IPO11: variants seen among roughly 807,000 people sequenced by gnomAD.
IPO11 encodes the protein importin 11.
IPO11 carries 66 observed loss-of-function variants against 143.2 expected under a neutral mutation model. The observed-to-expected ratio is 0.46, with a 90% CI of 0.38 to 0.57. The LOEUF (loss-of-function observed/expected upper bound fraction) is 0.57, where lower values mean the gene tolerates loss of function less well. Among genes scored for constraint, IPO11 ranks in the 20% least tolerant of loss-of-function variants. The pLI, the probability that IPO11 is intolerant of heterozygous loss-of-function variation, is 0.00. For missense variants in IPO11, 1,026 were observed against 1,141.0 expected (o/e 0.90, Z 1.45); for synonymous variants, 385 against 377.8 (o/e 1.02, Z -0.22).
intron 2 of IPO11, among the ~76,000 whole-genome samples, chr5:62,439,597 T>A (rs1040048655): frequency 4.0e-5 from 6 of 151,738 alleles, no homozygotes; most frequent in Admixed American, 1.3e-4. Flanking sequence ...CAGTCTTTTT[T>A]TTTTTTTTAA....
At chr5:62,515,635 A>G (rs1310843972) in intron 20 of IPO11, 134 bp downstream of exon 20, 2 of 580,300 alleles carry the variant, frequency 3.4e-6, no homozygotes, top group Non-Finnish European at 5.8e-6. Flanking sequence ...TTTTTTTTCC[A>G]TGTGTGATCT....
Position 62,451,811 on chromosome 5 carries a change from C to A in IPO11, c.394C>A (p.Leu132Ile), listed in dbSNP as rs1195430963. ...PRQWPELIPTLIESVKVQDDL... is the reference protein window; with the variant it reads ...PRQWPELIPTIIESVKVQDDL... The stretch of plus-strand genomic sequence containing the variant: ...ACAGTGGCCTGAACTAATTCCCACT[C>A]TTATAGAGTCTGTTAAAGTCCAGGA... Residue 132 changes from leucine to isoleucine, a missense_variant, in exon 5 of 30, where the codon CTT becomes ATT. Around this residue, in one of 5 missense-constraint regions of IPO11, gnomAD observed 429 missense variants for 456.3 expected, o/e 0.94. Transcript: ENST00000325324. 9.9e-6 allele frequency: 16 copies of A among 1,613,940 alleles called. No homozygotes were observed. Among genetic ancestry groups the A allele is most frequent in the African/African-American group, 1.3e-5 (1 of 74,926 alleles).
intron 21 of IPO11, among the ~76,000 whole-genome samples, chr5:62,526,898 G>A (rs1325964405): frequency 6.6e-6 from 1 of 152,158 alleles, no homozygotes; most frequent in East Asian, 1.9e-4. Flanking sequence ...TTTGTAAATT[G>A]ATAGTGCAGT....
In IPO11 at chr5:62,530,748, G is replaced by T; in HGVS notation, c.2052G>T (p.Glu684Asp). Residue 684 changes from glutamate (E) to aspartate (D), a missense_variant, in exon 22 of 30, where the codon GAG becomes GAT. Glu to Asp is a conservative substitution (Grantham distance 45). Coordinates refer to ENST00000325324, the MANE Select transcript of IPO11 (RefSeq NM_016338.5). The stretch of plus-strand genomic sequence containing the variant: ...AAAACAGTCCATGTATTACACCAGA[G>T]TTGCTTCGTATATTTCAGAATATGT... ...TLENSPCITPELLRIFQNMSP... is the reference protein window; with the variant it reads ...TLENSPCITPDLLRIFQNMSP... 1.2e-6 allele frequency: 2 copies of T among 1,613,084 alleles called. No homozygotes were observed. The highest frequency in any genetic ancestry group is 1.1e-5 in the South Asian group (1 of 91,040).
intron 5 of IPO11, among the ~76,000 whole-genome samples, chr5:62,462,981 A>G (rs1561320943): frequency 1.3e-5 from 2 of 151,844 alleles, no homozygotes; most frequent in Admixed American, 1.3e-4. Flanking sequence ...GAATGGGACT[A>G]GTTCTAATTT....
chr5:62,443,268 G>T (rs1041539532), intron 3 of IPO11, 185 bp downstream of exon 3: 2 of 442,920 alleles, frequency 4.5e-6, no homozygotes, highest in African/African-American at 2.0e-5. Context: ...GATTTGTGAA[G>T]TGTTTGATAT....
intron 3 of IPO11, among the ~76,000 whole-genome samples, chr5:62,445,222 AC>A (rs1744677329): frequency 6.6e-6 from 1 of 151,998 alleles, no homozygotes; most frequent in Non-Finnish European, 1.5e-5. Context: ...TATAGATCCT[AC>A]TCTTAACCAT....
At chr5:62,577,200 A>T (rs1744346220) in intron 27 of IPO11, among the ~76,000 whole-genome samples, 1 of 152,162 alleles carries the variant, frequency 6.6e-6, no homozygotes, top group South Asian at 2.1e-4. Flanking sequence ...AAACCATTCA[A>T]CCTGAGAGTT....
At chr5:62,592,667 G>A (rs961441481) in intron 28 of IPO11, among the ~76,000 whole-genome samples, 29 of 152,248 alleles carry the variant, frequency 1.9e-4, no homozygotes, top group African/African-American at 7.0e-4. Context: ...GCAGGGCTGG[G>A]GAGGCCTCAG....
chr5:62,572,600 A>T (rs887493758), intron 27 of IPO11, among the ~76,000 whole-genome samples: 2 of 146,188 alleles, frequency 1.4e-5, no homozygotes, highest in Non-Finnish European at 3.0e-5. Context: ...TGAGGCTTTG[A>T]GGCAGGGTCT....
intron 24 of IPO11, among the ~76,000 whole-genome samples, chr5:62,542,116 C>T (rs561183450): frequency 3.3e-5 from 5 of 150,880 alleles, no homozygotes; most frequent in African/African-American, 1.2e-4. Context: ...GCTCTTGTTG[C>T]CCAGGCTGGA....
chr5:62,570,505 A>G (rs1744099544), intron 27 of IPO11, among the ~76,000 whole-genome samples: 1 of 152,172 alleles, frequency 6.6e-6, no homozygotes, highest in Non-Finnish European at 1.5e-5. Flanking sequence ...ATACAATAGC[A>G]TTGTTTTAAA....
chr5:62,459,845 GGCCTACTTAA>G (rs1745294475), intron 5 of IPO11, among the ~76,000 whole-genome samples: 1 of 151,998 alleles, frequency 6.6e-6, no homozygotes, highest in Admixed American at 6.6e-5. Context: ...CACCTCACCT[GGCCTACTTAA>G]GCCTTATTAA....
At chr5:62,517,318 AC>A (rs1468491693) in intron 20 of IPO11, among the ~76,000 whole-genome samples, 1 of 152,246 alleles carries the variant, frequency 6.6e-6, no homozygotes, top group Non-Finnish European at 1.5e-5. Context: ...AGAGAAGGTT[AC>A]TATCTTGTGA....
intron 16 of IPO11, among the ~76,000 whole-genome samples, chr5:62,504,288 C>T (rs1284049033): frequency 2.6e-5 from 4 of 152,146 alleles, no homozygotes; most frequent in African/African-American, 7.2e-5. Context: ...TCCTTGTCTC[C>T]TTTTGCACCT....
chr5:62,504,560 TA>T, intron 16 of IPO11, 106 bp from the exon 17 acceptor site: 1 of 648,836 alleles, frequency 1.5e-6, no homozygotes, highest in Non-Finnish European at 2.7e-6. Context: ...GTGACTCTAA[TA>T]ATAATAAGAG....
At chr5:62,481,221 T>G (rs1325162875) in intron 9 of IPO11, among the ~76,000 whole-genome samples, 6 of 152,126 alleles carry the variant, frequency 3.9e-5, no homozygotes, top group Non-Finnish European at 7.4e-5. Context: ...CCTGGCCGAC[T>G]TCCTCTTTTC....
In IPO11 at chr5:62,485,465, A is replaced by G; in HGVS notation, c.1218+3A>G. The G allele has an allele frequency of 6.2e-7, 1 of 1,603,752 alleles. No homozygotes were observed. Among genetic ancestry groups the G allele is most frequent in the South Asian group, 1.1e-5 (1 of 90,802 alleles). ...ATTCTTGGAAATATAGTTTGAGGGTAAGTATTAATTGCAAGAAAAATTGAT... is the reference window on the plus strand; with the variant it reads ...ATTCTTGGAAATATAGTTTGAGGGTGAGTATTAATTGCAAGAAAAATTGAT... On this transcript the variant is annotated splice_donor_region_variant and intron_variant, in intron 12 of 29. Transcript: ENST00000325324.
chr5:62,480,754 G>A (rs188155701), intron 9 of IPO11, among the ~76,000 whole-genome samples: 99 of 152,074 alleles, frequency 6.5e-4, no homozygotes, highest in African/African-American at 2.2e-3. Flanking sequence ...CTGATGTATA[G>A]GAATGCTTGT....
Sources: gnomAD v4.1 joint callset for allele counts (sites outside exome capture counted in the v4.1 genomes callset) on GRCh38, gnomAD v4.1.1 for gene constraint, gnomAD v4.1.1 regional missense constraint, MANE v1.5 for transcripts, NCBI Gene and HGNC (gene_info 2026-07-23, HGNC 2026-07-21) for gene names.